Variants in CLOCK observed in about 807,000 individuals in gnomAD.
The protein encoded by CLOCK is clock circadian regulator.
In CLOCK, 43 loss-of-function variants were observed where a neutral mutation model predicts 118.4. That is an observed-to-expected ratio of 0.36 (90% CI 0.28 to 0.47). The LOEUF (loss-of-function observed/expected upper bound fraction) is 0.47, where lower values mean the gene tolerates loss of function less well. Ranked by LOEUF, CLOCK falls within the 20% of genes least tolerant of loss-of-function variation. The pLI is 1.00. For missense variants in CLOCK, 846 were observed against 999.9 expected (o/e 0.85, Z 2.08); for synonymous variants, 326 against 339.2 (o/e 0.96, Z 0.43).
chr4:55,538,515 G>A (rs1053820367), intron 1 of CLOCK, among the ~76,000 whole-genome samples: 3 of 152,072 alleles, frequency 2.0e-5, no homozygotes, highest in Admixed American at 6.5e-5. Flanking sequence ...AAGGCAGGTC[G>A]ATAGAAAATA....
intron 2 of CLOCK, among the ~76,000 whole-genome samples, chr4:55,490,275 A>T (rs1211694674): frequency 1.3e-5 from 2 of 152,100 alleles, no homozygotes; most frequent in Non-Finnish European, 2.9e-5. Context: ...AAAGAAGGAC[A>T]TTATATAGTA....
chr4:55,506,969 C>T (rs991701270), intron 2 of CLOCK, among the ~76,000 whole-genome samples: 7 of 152,060 alleles, frequency 4.6e-5, no homozygotes, highest in African/African-American at 1.7e-4. Context: ...TAGCAATATA[C>T]AATCAATTTA....
At chr4:55,522,865 T>C (rs779733725) in intron 1 of CLOCK, among the ~76,000 whole-genome samples, 3 of 152,136 alleles carry the variant, frequency 2.0e-5, no homozygotes, top group Non-Finnish European at 4.4e-5. Flanking sequence ...GCAAGGAAGC[T>C]ATCAAAACCT....
chr4:55,448,584 GCGCGCGCGCA>G (rs1454955321), intron 18 of CLOCK, among the ~76,000 whole-genome samples, 185 bp downstream of exon 18: 6 of 85,932 alleles, frequency 7.0e-5, no homozygotes, highest in South Asian at 6.2e-4. Flanking sequence ...TTATATATGT[GCGCGCGCGCA>G]CGCGCGCGTG....
chr4:55,497,454 T>C (rs1258518453), intron 2 of CLOCK, among the ~76,000 whole-genome samples: 2 of 152,178 alleles, frequency 1.3e-5, no homozygotes, highest in Non-Finnish European at 2.9e-5. Flanking sequence ...TGAACCTCTC[T>C]GAAGGGTCAG....
intron 1 of CLOCK, among the ~76,000 whole-genome samples, chr4:55,534,012 T>C (rs1177522379): frequency 6.6e-6 from 1 of 152,256 alleles, no homozygotes; most frequent in East Asian, 1.9e-4. Flanking sequence ...AAACTCTCGA[T>C]GTTTTCCTTT....
intron 4 of CLOCK, among the ~76,000 whole-genome samples, chr4:55,482,055 A>T (rs1053572401): frequency 6.6e-6 from 1 of 152,208 alleles, no homozygotes; most frequent in Non-Finnish European, 1.5e-5. Flanking sequence ...TTATGATAAG[A>T]GATGCTAAAA....
At chr4:55,462,748 T>G (rs1470629194) in intron 9 of CLOCK, among the ~76,000 whole-genome samples, 1 of 152,210 alleles carries the variant, frequency 6.6e-6, no homozygotes, top group Non-Finnish European at 1.5e-5. Flanking sequence ...AACTTGGTTT[T>G]AAAACAAGGC....
intron 18 of CLOCK, 71 bp downstream of exon 18, chr4:55,448,708 A>C (rs1724154820): frequency 3.0e-6 from 4 of 1,347,350 alleles, no homozygotes; most frequent in Non-Finnish European, 4.2e-6. Flanking sequence ...TGGATTTTTA[A>C]AAAAATTACA....
chr4:55,463,501 T>C (rs1725518384), intron 9 of CLOCK, among the ~76,000 whole-genome samples, 184 bp downstream of exon 9: 1 of 152,108 alleles, frequency 6.6e-6, no homozygotes, highest in Non-Finnish European at 1.5e-5. Flanking sequence ...TACACTGAAA[T>C]AGATTACAGA....
chr4:55,528,877 T>C (rs1318645557), intron 1 of CLOCK, among the ~76,000 whole-genome samples: 1 of 152,208 alleles, frequency 6.6e-6, no homozygotes, highest in African/African-American at 2.4e-5. Context: ...TATATGGCAA[T>C]TGGAAAGCTC....
intron 8 of CLOCK, among the ~76,000 whole-genome samples, chr4:55,468,778 G>A (rs1401352642): frequency 6.6e-6 from 1 of 152,190 alleles, no homozygotes; most frequent in Non-Finnish European, 1.5e-5. Flanking sequence ...AAGAAGACAG[G>A]AAGAAGAGGG....
rs1726663366 is a variant in CLOCK at position 55,478,250 on chromosome 4, T to TAAA, written c.256+564_256+565insTTT. On this transcript the variant is annotated intron_variant, in intron 6 of 22. Coordinates refer to ENST00000513440, the MANE Select transcript of CLOCK (RefSeq NM_004898.4). ...TTTCTTCTATTAACAAATACTTTAT[T>TAAA]TTATAGTGTTGATTTACTAGATATA... 1.2e-4 allele frequency among the ~76,000 whole-genome samples: 18 copies of TAAA among 152,284 alleles called. No homozygotes were observed. In the South Asian group the frequency reaches 2.3e-3, roughly 19 times the overall value.
At position 55,428,973 on chromosome 4, in the gene CLOCK, C is replaced by CTTTTTT. The variant is rs35261810; in HGVS notation, c.*6436_*6441dup. ...ATGGTAACTGTTCTGGCTGACACAT[C>CTTTTTT]TTTTTTTTTTTTTTTTTTTTTAAAA... is the stretch of plus-strand genomic sequence containing the variant. On this transcript the variant is annotated 3_prime_UTR_variant, in exon 23 of 23. Transcript: ENST00000513440. 2.4e-5 allele frequency: 3 copies of CTTTTTT among 125,750 alleles called. No individual in the cohort carries two copies. The highest frequency in any genetic ancestry group is 8.2e-5 in the Admixed American group (1 of 12,174). The allele number at this position is 125,750 out of a possible 1,614,324, so 7.8% of individuals were successfully genotyped here.
At chr4:55,462,806 G>GCCAT (rs1324109386) in intron 9 of CLOCK, among the ~76,000 whole-genome samples, 1 of 151,646 alleles carries the variant, frequency 6.6e-6, no homozygotes, top group Non-Finnish European at 1.5e-5. Context: ...TCGCTGAAAG[G>GCCAT]CCATCCACTC....
chr4:55,525,508 C>G (rs1329740530), intron 1 of CLOCK, among the ~76,000 whole-genome samples: 2 of 151,648 alleles, frequency 1.3e-5, no homozygotes, highest in African/African-American at 4.9e-5. Context: ...GAATAATAAA[C>G]ATTTTTTTTT....
rs771308065 is a variant in CLOCK at position 55,431,092 on chromosome 4, G to A, written c.*4323C>T. 31 of 152,320 alleles carry A rather than the reference G, an allele frequency of 2.0e-4. No homozygotes were observed. Among genetic ancestry groups the A allele is most frequent in the Non-Finnish European group, 3.7e-4 (25 of 68,022 alleles). The allele number at this position is 152,320 out of a possible 1,614,324, so 9.4% of individuals were successfully genotyped here. A position where few individuals can be genotyped will look rare whatever the true frequency, so the allele number is the denominator to read the frequency against. ...CTAAGAATAAACTTTATCAAAATGA[G>A]TAATTGCAATAAAGTGCTTGTTACA... On this transcript the variant is annotated 3_prime_UTR_variant, in exon 23 of 23. Transcript: ENST00000513440.
intron 6 of CLOCK, 38 bp from the exon 7 acceptor site, chr4:55,476,092 C>T (rs770787465): frequency 1.5e-6 from 2 of 1,337,740 alleles, no homozygotes. Flanking sequence ...ATACTCCAAC[C>T]ACCGGAGGAG....
intron 2 of CLOCK, 125 bp from the exon 3 acceptor site, chr4:55,489,590 T>C (rs1027362952): frequency 1.3e-5 from 2 of 152,122 alleles, no homozygotes; most frequent in African/African-American, 4.8e-5. Flanking sequence ...TAACCAATTT[T>C]AAATTCTATA....
Sources: allele counts gnomAD v4.1 joint callset (sites outside exome capture counted in the v4.1 genomes callset), GRCh38; gene constraint gnomAD v4.1.1; transcripts MANE v1.5; gene names NCBI Gene and HGNC (gene_info 2026-07-23, HGNC 2026-07-21).